Variants in ZCCHC4 observed in about 807,000 individuals in gnomAD.
The protein encoded by ZCCHC4 is rRNA N(6)-adenosine-methyltransferase ZCCHC4.
In ZCCHC4, 54 loss-of-function variants were observed where a neutral mutation model predicts 67.7. The ratio of observed to expected loss-of-function variants is 0.80; its 90% CI spans 0.64 to 1.00. The LOEUF is 1.00. ZCCHC4 is among the 50% of genes least tolerant of loss of function. ZCCHC4 has a pLI of 0.00. For synonymous variants in ZCCHC4, 198 were observed against 213.5 expected (o/e 0.93, Z 0.63); for missense variants, 609 against 617.0 (o/e 0.99, Z 0.14).
intron 3 of ZCCHC4, among the ~76,000 whole-genome samples, chr4:25,323,028 C>T (rs1171323213): frequency 2.0e-5 from 3 of 152,182 alleles, no homozygotes; most frequent in Non-Finnish European, 4.4e-5. Context: ...CATCAAAAGG[C>T]AGATAATGTT....
chr4:25,349,125 T>A (rs1480185705), intron 6 of ZCCHC4, among the ~76,000 whole-genome samples: 2 of 152,184 alleles, frequency 1.3e-5, no homozygotes, highest in Non-Finnish European at 2.9e-5. Flanking sequence ...GCCCAGTGCT[T>A]AGCACCATCC....
chr4:25,333,044 AT>A (rs1267389544), intron 3 of ZCCHC4, 138 bp from the exon 4 acceptor site: 3 of 813,134 alleles, frequency 3.7e-6, no homozygotes, highest in East Asian at 5.4e-5. Flanking sequence ...CATTCCACAG[AT>A]TTCTTCCTAC....
chr4:25,357,709 T>A (rs1720569946), intron 8 of ZCCHC4, among the ~76,000 whole-genome samples: 1 of 152,252 alleles, frequency 6.6e-6, no homozygotes, highest in Non-Finnish European at 1.5e-5. Context: ...GTATTCTTGT[T>A]TATTATAGAA....
At chr4:25,363,053 C>G (rs567637157) in intron 10 of ZCCHC4, among the ~76,000 whole-genome samples, 2 of 152,184 alleles carry the variant, frequency 1.3e-5, no homozygotes, top group Non-Finnish European at 2.9e-5. Context: ...ATTAGGTTCA[C>G]TCTTGGTGTT....
At chr4:25,341,106 A>G (rs1238222113) in intron 5 of ZCCHC4, among the ~76,000 whole-genome samples, 1 of 152,008 alleles carries the variant, frequency 6.6e-6, no homozygotes, top group Admixed American at 6.6e-5. Context: ...CTCCCAAATG[A>G]CTTTCTTAAT....
chr4:25,318,495 C>G (rs1044584873), intron 3 of ZCCHC4, among the ~76,000 whole-genome samples: 6 of 151,630 alleles, frequency 4.0e-5, no homozygotes, highest in African/African-American at 1.5e-4. Context: ...GCTGGGATTA[C>G]AGGCACCTGC....
intron 5 of ZCCHC4, among the ~76,000 whole-genome samples, chr4:25,344,990 G>T (rs937445388): frequency 6.6e-6 from 1 of 151,712 alleles, no homozygotes; most frequent in East Asian, 1.9e-4. Context: ...TTTTGTAGAG[G>T]CAGGATTTTG....
chr4:25,333,826 A>G (rs1289408370), intron 4 of ZCCHC4, 82 bp from the exon 5 acceptor site: 3 of 963,916 alleles, frequency 3.1e-6, no homozygotes, highest in Non-Finnish European at 4.5e-6. Context: ...CCAGAAGAAC[A>G]TTGATGGTTT....
chr4:25,351,373 C>T (rs887166603), intron 7 of ZCCHC4, among the ~76,000 whole-genome samples: 3 of 152,142 alleles, frequency 2.0e-5, no homozygotes, highest in African/African-American at 7.2e-5. Flanking sequence ...CTTTTACATA[C>T]TCTTAGTAGC....
chr4:25,317,266 C>T (rs963029864), intron 3 of ZCCHC4, among the ~76,000 whole-genome samples: 11 of 152,110 alleles, frequency 7.2e-5, no homozygotes, highest in Admixed American at 6.6e-4. Context: ...TTTTCCTGAG[C>T]TGTTTAGTAG....
chr4:25,352,080 T>C (rs1720327107), intron 8 of ZCCHC4: 3 of 990,732 alleles, frequency 3.0e-6, no homozygotes, highest in Non-Finnish European at 2.4e-6. Flanking sequence ...TCAGGGCATA[T>C]AGAAAAGTAA....
intron 8 of ZCCHC4, among the ~76,000 whole-genome samples, chr4:25,361,296 G>A (rs1354564200): frequency 6.6e-6 from 1 of 152,184 alleles, no homozygotes; most frequent in Non-Finnish European, 1.5e-5. Context: ...ATGAATTCAG[G>A]GCTCCACCCT....
intron 8 of ZCCHC4, chr4:25,352,628 CTGGTCT>C (rs887087920): frequency 3.8e-5 from 6 of 157,328 alleles, no homozygotes; most frequent in African/African-American, 1.2e-4. Context: ...GTTGGCCAGG[CTGGTCT>C]TGAACTCATG....
intron 3 of ZCCHC4, among the ~76,000 whole-genome samples, chr4:25,330,292 AT>A (rs375647534): frequency 4.0e-4 from 60 of 149,584 alleles, no homozygotes; most frequent in African/African-American, 1.4e-3. Flanking sequence ...TGCCTTGCTG[AT>A]TTTTTTTTTC....
At chr4:25,362,159 T>C in intron 9 of ZCCHC4, 67 bp from the exon 10 acceptor site, 1 of 1,498,892 alleles carries the variant, frequency 6.7e-7, no homozygotes, top group East Asian at 2.3e-5. Flanking sequence ...GAGTGCTTTG[T>C]AAAGTTTTAT....
At position 25,359,526 on chromosome 4, in the gene ZCCHC4, TGGC is replaced by T. The variant is rs1485653115; in HGVS notation, c.1012-2330_1012-2328del. The stretch of plus-strand genomic sequence containing the variant: ...CCTGGTCTGATACCAAGGAGGCTGT[TGGC>T]GGGATCAAGGGGTCCGTGCCACAAA... On this transcript the variant is annotated intron_variant, in intron 8 of 12. Coordinates refer to ENST00000302874, the MANE Select transcript of ZCCHC4 (RefSeq NM_024936.3). The surrounding 1 kb of genome is among the most constrained non-coding windows in gnomAD (Gnocchi z 4.9). Among the ~76,000 whole-genome samples, 1 of 152,176 alleles carries T rather than the reference TGGC, an allele frequency of 6.6e-6. No individual in the cohort carries two copies. The highest frequency in any genetic ancestry group is 2.4e-5 in the African/African-American group (1 of 41,456).
intron 3 of ZCCHC4, among the ~76,000 whole-genome samples, chr4:25,329,904 A>G (rs1311274113): frequency 6.6e-6 from 1 of 152,158 alleles, no homozygotes; most frequent in Non-Finnish European, 1.5e-5. Context: ...AACACATGGA[A>G]TACAGTTACA....
chr4:25,369,343 G>GGGAGTT lies in ZCCHC4; in HGVS notation c.*181_*186dup. The GGGAGTT allele has an allele frequency of 1.5e-6, 1 of 689,160 alleles. No individual in the cohort carries two copies. The allele number at this position is 689,160 out of a possible 1,614,324, so 42.7% of individuals were successfully genotyped here. A position where few individuals can be genotyped will look rare whatever the true frequency, so the allele number is the denominator to read the frequency against. On this transcript the variant is annotated 3_prime_UTR_variant, in exon 13 of 13. Coordinates refer to ENST00000302874, the MANE Select transcript of ZCCHC4 (RefSeq NM_024936.3). ...CCTTATCTGCCTCTCTGGAGACATG[G>GGGAGTT]GGAGTTGTTCCATCTTCAGCCAGTT...
At chr4:25,340,720 A>C (rs565498425) in intron 5 of ZCCHC4, among the ~76,000 whole-genome samples, 1 of 152,194 alleles carries the variant, frequency 6.6e-6, no homozygotes, top group East Asian at 1.9e-4. Flanking sequence ...TATTAAATTT[A>C]TCTCTAGATG....
Sources: gnomAD v4.1 joint callset for allele counts (sites outside exome capture counted in the v4.1 genomes callset) on GRCh38, gnomAD v4.1.1 for gene constraint, Gnocchi (gnomAD v3.1) non-coding constraint, MANE v1.5 for transcripts, NCBI Gene and HGNC (gene_info 2026-07-23, HGNC 2026-07-21) for gene names.